MAST4: variants seen among roughly 807,000 people sequenced by gnomAD.
MAST4 encodes the protein microtubule associated serine/threonine kinase family member 4, also known as microtubule-associated serine/threonine-protein kinase 4.
In MAST4, 89 loss-of-function variants were observed where a neutral mutation model predicts 162.7. The observed-to-expected ratio is 0.55, with a 90% CI of 0.46 to 0.65. MAST4 has a LOEUF of 0.65. Among genes scored for constraint, MAST4 ranks in the 30% least tolerant of loss-of-function variants. The pLI is 0.00. For missense variants in MAST4, 3,153 were observed against 3,374.0 expected (o/e 0.93, Z 1.62); for synonymous variants, 1,479 against 1,361.1 (o/e 1.09, Z -1.91).
chr5:66,868,491 CT>C (rs59614413), intron 3 of MAST4, among the ~76,000 whole-genome samples: 2,706 of 135,614 alleles, frequency 0.02, 51 homozygotes, highest in African/African-American at 0.051. Flanking sequence ...CCATCACAAA[CT>C]TTTTTTTTTT....
chr5:66,975,408 C>T (rs1283981016), intron 4 of MAST4, among the ~76,000 whole-genome samples: 2 of 152,148 alleles, frequency 1.3e-5, no homozygotes, highest in African/African-American at 2.4e-5. Context: ...GTTCATGTTA[C>T]AGAAGAAGGA....
chr5:66,693,224 C>T (rs971166203), intron 1 of MAST4, among the ~76,000 whole-genome samples: 1 of 152,044 alleles, frequency 6.6e-6, no homozygotes, highest in African/African-American at 2.4e-5. Context: ...CATTAAAGAT[C>T]AGTGTTGTAA....
intron 4 of MAST4, among the ~76,000 whole-genome samples, chr5:67,015,003 T>C (rs1753112129): frequency 1.3e-5 from 2 of 152,192 alleles, no homozygotes; most frequent in Admixed American, 6.6e-5. Flanking sequence ...ATACAACTTC[T>C]TTATGCCATT....
chr5:67,058,506 A>G (rs977759845), intron 5 of MAST4, among the ~76,000 whole-genome samples: 5 of 152,248 alleles, frequency 3.3e-5, no homozygotes, highest in Admixed American at 3.3e-4. Flanking sequence ...GAAAGGTACC[A>G]GTTTTTTATT....
At chr5:66,810,846 G>A (rs1756440716) in intron 3 of MAST4, among the ~76,000 whole-genome samples, 1 of 152,208 alleles carries the variant, frequency 6.6e-6, no homozygotes, top group South Asian at 2.1e-4. Context: ...GGCTGAACTT[G>A]AGCAGAGAGG....
chr5:67,091,849 C>T (rs1018099925), intron 6 of MAST4, among the ~76,000 whole-genome samples: 13 of 152,030 alleles, frequency 8.6e-5, no homozygotes, highest in South Asian at 2.1e-4. Context: ...AACCATAAAC[C>T]GTGACAGGAG....
At chr5:66,837,892 ATATTTTTTT>A (rs1256343393) in intron 3 of MAST4, among the ~76,000 whole-genome samples, 7 of 35,026 alleles carry the variant, frequency 2.0e-4, no homozygotes, top group African/African-American at 1.1e-3. Context: ...ATATATATAT[ATATTTTTTT>A]TTTTTTTTTT....
intron 4 of MAST4, among the ~76,000 whole-genome samples, chr5:67,025,391 A>G (rs1298868053): frequency 1.3e-5 from 2 of 152,192 alleles, no homozygotes; most frequent in African/African-American, 2.4e-5. Context: ...TACTATGATG[A>G]TAGATGTATA....
At chr5:66,640,679 A>G (rs561596417) in intron 1 of MAST4, among the ~76,000 whole-genome samples, 1 of 152,346 alleles carries the variant, frequency 6.6e-6, no homozygotes, top group Non-Finnish European at 1.5e-5. Context: ...TGTGAATAAT[A>G]CTGCCACGAA....
chr5:67,117,862 C>T (rs1767107644), intron 12 of MAST4, among the ~76,000 whole-genome samples: 1 of 151,990 alleles, frequency 6.6e-6, no homozygotes, highest in Non-Finnish European at 1.5e-5. Context: ...ATTTAGACAC[C>T]TTTGTCTCTT....
chr5:66,787,740 A>G (rs758473172), intron 2 of MAST4, among the ~76,000 whole-genome samples: 7 of 152,180 alleles, frequency 4.6e-5, no homozygotes, highest in African/African-American at 1.2e-4. Flanking sequence ...GTGGTCTGCT[A>G]TCTTTTCATT....
intron 4 of MAST4, among the ~76,000 whole-genome samples, chr5:66,935,902 A>C (rs1223880090): frequency 1.3e-5 from 2 of 152,040 alleles, no homozygotes; most frequent in East Asian, 3.9e-4. Context: ...TCCTGACCTC[A>C]AATAATCCAT....
At chr5:67,107,434 T>C (rs906166163) in intron 10 of MAST4, among the ~76,000 whole-genome samples, 3 of 152,244 alleles carry the variant, frequency 2.0e-5, no homozygotes, top group African/African-American at 4.8e-5. Context: ...TGGGCATAAA[T>C]AAGAATGGTT....
intron 23 of MAST4, among the ~76,000 whole-genome samples, chr5:67,146,597 C>T (rs751276846): frequency 1.6e-4 from 24 of 151,972 alleles, no homozygotes; most frequent in Non-Finnish European, 3.1e-4. Context: ...ATAGTGTAAG[C>T]TTTTTTTTAA....
intron 4 of MAST4, among the ~76,000 whole-genome samples, chr5:66,912,410 T>A (rs1763837358): frequency 6.6e-6 from 1 of 152,228 alleles, no homozygotes; most frequent in Admixed American, 6.5e-5. Flanking sequence ...AGAAGGTTTT[T>A]CTTATGTCTA....
chr5:66,653,553 A>G (rs1303876510), intron 1 of MAST4, among the ~76,000 whole-genome samples: 1 of 152,116 alleles, frequency 6.6e-6, no homozygotes, highest in Non-Finnish European at 1.5e-5. Flanking sequence ...GCCCTTCATA[A>G]TCTGTTGCCA....
At chr5:66,742,749 G>T (rs1752543577) in intron 1 of MAST4, among the ~76,000 whole-genome samples, 1 of 152,184 alleles carries the variant, frequency 6.6e-6, no homozygotes, top group African/African-American at 2.4e-5. Flanking sequence ...TAACCTACAG[G>T]AGAGTTTTCT....
intron 4 of MAST4, among the ~76,000 whole-genome samples, chr5:67,022,915 C>G (rs1754163951): frequency 6.6e-6 from 1 of 151,748 alleles, no homozygotes; most frequent in Admixed American, 6.6e-5. Flanking sequence ...TCTCACACAC[C>G]TAGAATATGG....
At chr5:66,820,022 G>A (rs1225360474) in intron 3 of MAST4, among the ~76,000 whole-genome samples, 1 of 132,678 alleles carries the variant, frequency 7.5e-6, no homozygotes, top group Non-Finnish European at 1.6e-5. Context: ...TACAAACTAT[G>A]TTGCCCAGGC....
Sources: gnomAD v4.1 joint callset for allele counts (sites outside exome capture counted in the v4.1 genomes callset) on GRCh38, gnomAD v4.1.1 for gene constraint, MANE v1.5 for transcripts, NCBI Gene and HGNC (gene_info 2026-07-23, HGNC 2026-07-21) for gene names.